The following DPP4 variants were observed in gnomAD, a reference collection of about 807,000 sequenced individuals.
DPP4 encodes the protein dipeptidyl peptidase 4, also known as ADCP-2.
In DPP4, 93 loss-of-function variants were observed where a neutral mutation model predicts 122.4. The ratio of observed to expected loss-of-function variants is 0.76; its 90% CI spans 0.64 to 0.90. The LOEUF is 0.90. Ranked by LOEUF, DPP4 falls within the 40% of genes least tolerant of loss-of-function variation. The probability of loss-of-function intolerance (pLI) is 0.00; values close to 1 mark genes in which losing one functional copy is unlikely to be tolerated. For missense variants in DPP4, 914 were observed against 907.3 expected, an observed-to-expected ratio of 1.01 and a Z score of -0.09; for synonymous variants, 321 against 302.9, an observed-to-expected ratio of 1.06 and a Z score of -0.62.
Position 162,073,305 on chromosome 2 carries a change from C to A in DPP4, c.94+94G>T, listed in dbSNP as rs950083896. ...GCTACACTTCGGGGCACTGGTCCAA[C>A]CCCACGCAAAATCCCTCGTTTCCCT... On this transcript the variant is annotated intron_variant, in intron 2 of 25. Coordinates refer to ENST00000360534, the MANE Select transcript of DPP4 (RefSeq NM_001935.4). 2.3e-6 allele frequency: 3 copies of A among 1,312,446 alleles called. No homozygotes were observed. The East Asian group carries it at 7.0e-5, about 31-fold the overall frequency. The allele number at this position is 1,312,446 out of a possible 1,614,324, so 81.3% of individuals were successfully genotyped here.
At chr2:162,036,335 T>C (rs1221015437) in intron 8 of DPP4, among the ~76,000 whole-genome samples, 1 of 152,184 alleles carries the variant, frequency 6.6e-6, no homozygotes, top group East Asian at 1.9e-4. Flanking sequence ...GCAAAAATAA[T>C]TACTGTAATA....
intron 2 of DPP4, among the ~76,000 whole-genome samples, chr2:162,070,307 CCTCT>C (rs3831864): frequency 2.7e-5 from 4 of 148,112 alleles, no homozygotes; most frequent in Non-Finnish European, 6.0e-5. Context: ...TAGTATTAAG[CCTCT>C]CTCTCTCTCT....
intron 1 of DPP4, 121 bp from the exon 2 acceptor site, chr2:162,073,607 G>T: frequency 1.0e-6 from 1 of 973,658 alleles, no homozygotes; most frequent in Non-Finnish European, 1.6e-6. Flanking sequence ...AGAAGAGGGA[G>T]ACCGCGGGCT....
chr2:162,038,119 G>C (rs1222808612), intron 8 of DPP4, among the ~76,000 whole-genome samples, 183 bp downstream of exon 8: 1 of 152,128 alleles, frequency 6.6e-6, no homozygotes, highest in Non-Finnish European at 1.5e-5. Context: ...AGGAGTGCTA[G>C]GAATAGTTAA....
intron 8 of DPP4, 80 bp downstream of exon 8, chr2:162,038,221 AT>A: frequency 7.6e-7 from 1 of 1,323,112 alleles, no homozygotes. Context: ...TCTCATTTAA[AT>A]TTTCCCATTG....
chr2:162,017,238 T>G, intron 16 of DPP4, 83 bp from the exon 17 acceptor site: 1 of 1,143,104 alleles, frequency 8.7e-7, no homozygotes, highest in South Asian at 1.4e-5. Flanking sequence ...AAAATACCAT[T>G]TGTTACCATT....
chr2:161,995,957 G>A (rs1228921181), intron 23 of DPP4, among the ~76,000 whole-genome samples: 1 of 152,128 alleles, frequency 6.6e-6, no homozygotes, highest in Non-Finnish European at 1.5e-5. Context: ...GAGGGGAAGG[G>A]GGTAAAAAAG....
intron 23 of DPP4, among the ~76,000 whole-genome samples, chr2:162,001,037 C>T (rs547503651): frequency 2.0e-5 from 3 of 152,164 alleles, no homozygotes; most frequent in Non-Finnish European, 2.9e-5. Flanking sequence ...TCCCCCAATA[C>T]GTAACCTATT....
intron 21 of DPP4, 74 bp downstream of exon 21, chr2:162,009,167 A>G: frequency 1.4e-6 from 2 of 1,477,310 alleles, no homozygotes; most frequent in East Asian, 4.5e-5. Flanking sequence ...ATATGTATAT[A>G]CAAAAGATAA....
At chr2:162,021,309 A>C (rs1174476869) in intron 12 of DPP4, 1 of 152,248 alleles carries the variant, frequency 6.6e-6, no homozygotes. Flanking sequence ...CAATTTACAA[A>C]AAATATTTGT....
In DPP4 at chr2:162,016,852, C is replaced by T; in HGVS notation, c.1483G>A (p.Glu495Lys). ...ATTTTATCCAAAGCTGAATTGTCTTCCAGGACTCTCAGCCCTAAAGAAATA... is the reference window on the plus strand; with the variant it reads ...ATTTTATCCAAAGCTGAATTGTCTTTCAGGACTCTCAGCCCTAAAGAAATA... The part of the protein sequence containing the change: ...SVNDKGLRVL[E>K]DNSALDKMLQ... Residue 495 changes from glutamate to lysine, a missense_variant, in exon 18 of 26, where the codon GAA becomes AAA. By Grantham distance (56) the Glu-to-Lys change is moderately conservative. Transcript: ENST00000360534. 3 of 1,611,548 alleles carry T rather than the reference C, an allele frequency of 1.9e-6. No homozygotes were observed. Among genetic ancestry groups the T allele is most frequent in the South Asian group, 1.1e-5 (1 of 90,180 alleles).
At chr2:162,052,351 CAG>C (rs1261559586) in intron 2 of DPP4, among the ~76,000 whole-genome samples, 2 of 143,934 alleles carry the variant, frequency 1.4e-5, no homozygotes, top group African/African-American at 2.6e-5. Flanking sequence ...AAGTGGAGGA[CAG>C]GGGCGCTGGA....
chr2:162,043,486 C>T (rs141363398), intron 5 of DPP4, among the ~76,000 whole-genome samples: 151 of 152,260 alleles, frequency 9.9e-4, no homozygotes, highest in Middle Eastern at 3.4e-3. Context: ...GTTAAATACA[C>T]GGGTAAACTC....
intron 23 of DPP4, among the ~76,000 whole-genome samples, chr2:161,998,915 A>G (rs1450938659): frequency 6.6e-6 from 1 of 152,224 alleles, no homozygotes; most frequent in Non-Finnish European, 1.5e-5. Context: ...AAGAAAGACA[A>G]ATACTTTAAT....
chr2:162,045,144 C>T (rs1160183519), intron 5 of DPP4, among the ~76,000 whole-genome samples: 1 of 151,818 alleles, frequency 6.6e-6, no homozygotes, highest in East Asian at 1.9e-4. Flanking sequence ...CTTTTAAAAA[C>T]ACATATCTAT....
chr2:162,027,431 T>C (rs1176693889), intron 10 of DPP4, among the ~76,000 whole-genome samples: 1 of 151,968 alleles, frequency 6.6e-6, no homozygotes, highest in Non-Finnish European at 1.5e-5. Context: ...CCATAAACCC[T>C]AGTGTGTTAA....
intron 23 of DPP4, among the ~76,000 whole-genome samples, chr2:161,998,549 C>A (rs1701063663): frequency 6.6e-6 from 1 of 152,162 alleles, no homozygotes; most frequent in African/African-American, 2.4e-5. Flanking sequence ...AAAAGCTGCT[C>A]CTACAACCTC....
intron 10 of DPP4, chr2:162,032,038 G>A (rs951628193): frequency 4.6e-5 from 7 of 152,098 alleles, no homozygotes; most frequent in African/African-American, 1.7e-4. Context: ...TACTAACCAC[G>A]GAGCACAGCC....
At chr2:162,010,056 A>G (rs912457577) in intron 20 of DPP4, among the ~76,000 whole-genome samples, 11 of 152,272 alleles carry the variant, frequency 7.2e-5, no homozygotes, top group Admixed American at 5.9e-4. Flanking sequence ...GCATTAACCT[A>G]TCTTGATTTT....
Sources: gnomAD v4.1 joint callset for allele counts (sites outside exome capture counted in the v4.1 genomes callset) on GRCh38, gnomAD v4.1.1 for gene constraint, MANE v1.5 for transcripts, NCBI Gene and HGNC (gene_info 2026-07-23, HGNC 2026-07-21) for gene names.